The following ALG12 variants were observed in gnomAD, a reference collection of about 807,000 sequenced individuals.
ALG12 encodes dol-P-Man:Man(7)GlcNAc(2)-PP-Dol alpha-1,6-mannosyltransferase.
ALG12 carries 36 observed loss-of-function variants against 46.0 expected under a neutral mutation model. The ratio of observed to expected loss-of-function variants is 0.78; its 90% CI spans 0.60 to 1.03. The LOEUF (loss-of-function observed/expected upper bound fraction) is 1.03. Ranked by LOEUF, ALG12 falls within the 50% of genes least tolerant of loss-of-function variation. The pLI is 0.00. For missense variants in ALG12, 599 were observed against 633.5 expected (o/e 0.95, Z 0.58); for synonymous variants, 326 against 291.6 (o/e 1.12, Z -1.20).
chr22:49,867,032 G>GGTA, the ALG12 span, among the ~76,000 whole-genome samples: 1 of 152,144 alleles, frequency 6.6e-6, no homozygotes, highest in Non-Finnish European at 1.5e-5. Context: ...TTCTAACACA[G>GGTA]GTATGTAGAG....
chr22:49,867,144 C>T, the ALG12 span, among the ~76,000 whole-genome samples: 11 of 152,276 alleles, frequency 7.2e-5, no homozygotes, highest in East Asian at 1.2e-3. Flanking sequence ...GTTTACCTCA[C>T]GGTTTGTTTT....
rs781012904 is a variant in ALG12 at position 49,909,963 on chromosome 22, A to G, written c.595T>C (p.Leu199=). ...ACTACAGAAACCTTTCGGTTGCCCA[A>G]GGCCAGCAGCAGCAGGAGGCCCAGG... ...LFLGLLLLLA[L]GNRKVSVVRA... Residue 199 remains leucine (L), a synonymous_variant, in exon 5 of 10, where the codon TTG becomes CTG. Transcript: ENST00000330817. 1.8e-5 allele frequency: 29 copies of G among 1,613,958 alleles called. No homozygotes were observed. The Admixed American group carries it at 3.0e-4, about 17-fold the overall frequency.
intron 6 of ALG12, 108 bp from the exon 7 acceptor site, chr22:49,908,052 G>T: frequency 8.7e-7 from 1 of 1,148,086 alleles, no homozygotes; most frequent in Non-Finnish European, 1.2e-6. Context: ...GCTGAGAGAT[G>T]CAGCCTGGAC....
downstream of ALG12, among the ~76,000 whole-genome samples, chr22:49,898,167 A>C (rs911598203): frequency 1.3e-5 from 2 of 151,480 alleles, no homozygotes; most frequent in Admixed American, 6.6e-5. Context: ...CACCTGAATA[A>C]ATTTTTTGTT....
the ALG12 span, among the ~76,000 whole-genome samples, chr22:49,878,285 G>A: frequency 7.5e-6 from 1 of 133,668 alleles, no homozygotes; most frequent in Non-Finnish European, 1.6e-5. Flanking sequence ...CTGGGTGACA[G>A]AGTGAGACAC....
At chr22:49,897,047 C>A (rs1013240854), downstream of ALG12, among the ~76,000 whole-genome samples, 6 of 151,802 alleles carry the variant, frequency 4.0e-5, no homozygotes, top group African/African-American at 1.5e-4. Flanking sequence ...TCTTTTTTGT[C>A]TCCATAATTT....
the ALG12 span, among the ~76,000 whole-genome samples, chr22:49,890,774 T>C: frequency 1.3e-5 from 2 of 152,166 alleles, no homozygotes; most frequent in Admixed American, 6.5e-5. Flanking sequence ...CCCAGCACTT[T>C]GGGAGGCTGA....
the ALG12 span, chr22:49,883,842 C>T: frequency 1.8e-5 from 29 of 1,610,318 alleles, no homozygotes; most frequent in Non-Finnish European, 2.4e-5. Context: ...AGCGAGCGGG[C>T]CTCGGTGGGA....
intron 3 of ALG12, among the ~76,000 whole-genome samples, chr22:49,911,235 T>C (rs2060574904): frequency 6.6e-6 from 1 of 152,170 alleles, no homozygotes; most frequent in Non-Finnish European, 1.5e-5. Flanking sequence ...TTGCTACCTT[T>C]CCAGAAGGCC....
chr22:49,877,253 G>A, the ALG12 span, among the ~76,000 whole-genome samples: 12 of 144,092 alleles, frequency 8.3e-5, no homozygotes, highest in African/African-American at 3.1e-4. Context: ...CAAAAAAACA[G>A]CTTTATTATT....
the ALG12 span, among the ~76,000 whole-genome samples, chr22:49,872,918 G>A: frequency 2.6e-5 from 4 of 152,020 alleles, no homozygotes; most frequent in African/African-American, 7.2e-5. Flanking sequence ...GGATGGTCTC[G>A]ATCTCCTGAC....
intron 3 of ALG12, among the ~76,000 whole-genome samples, chr22:49,912,642 T>A (rs536582214): frequency 6.6e-6 from 1 of 152,326 alleles, no homozygotes; most frequent in South Asian, 2.1e-4. Flanking sequence ...GCTGGAAGCA[T>A]GTCTGGGTAT....
the ALG12 span, among the ~76,000 whole-genome samples, chr22:49,870,236 C>T: frequency 3.3e-5 from 5 of 152,148 alleles, no homozygotes; most frequent in African/African-American, 9.7e-5. Flanking sequence ...TTGCTAGGCA[C>T]GTAGGTTGAT....
the ALG12 span, among the ~76,000 whole-genome samples, chr22:49,860,985 C>T: frequency 0.03 from 2,434 of 81,598 alleles, 33 homozygotes; most frequent in East Asian, 0.053. Context: ...CACTATGTTG[C>T]CCAGGCTGGT....
the ALG12 span, chr22:49,883,698 C>T: frequency 1.0e-4 from 164 of 1,599,780 alleles, no homozygotes; most frequent in Admixed American, 9.6e-4. Flanking sequence ...CCAAAGAGGA[C>T]GGTGATTTCG....
At chr22:49,915,272 C>CT (rs2060602977) in intron 1 of ALG12, among the ~76,000 whole-genome samples, 1 of 152,124 alleles carries the variant, frequency 6.6e-6, no homozygotes. Flanking sequence ...CTTTGGGAGG[C>CT]TGAGGGCCAG....
chr22:49,913,004 G>A (rs576839714), intron 3 of ALG12, among the ~76,000 whole-genome samples: 2 of 152,208 alleles, frequency 1.3e-5, no homozygotes, highest in Non-Finnish European at 2.9e-5. Context: ...CTGGGAATGT[G>A]AGGTTTCTGT....
the ALG12 span, chr22:49,887,111 T>C: frequency 8.7e-4 from 1,396 of 1,613,128 alleles, 8 homozygotes; most frequent in African/African-American, 0.016. Context: ...TCCAGGCTCA[T>C]GATGGAACAT....
chr22:49,885,119 G>A, the ALG12 span: 25 of 1,614,060 alleles, frequency 1.5e-5, no homozygotes, highest in Middle Eastern at 3.3e-4. Context: ...GCCATCAGCC[G>A]GGGGAAGAAG....
Sources: gnomAD v4.1 joint callset for allele counts (sites outside exome capture counted in the v4.1 genomes callset) on GRCh38, gnomAD v4.1.1 for gene constraint, MANE v1.5 for transcripts, NCBI Gene and HGNC (gene_info 2026-07-23, HGNC 2026-07-21) for gene names.